The following MACROD2 variants were observed in gnomAD, a reference collection of about 807,000 sequenced individuals.
MACROD2 encodes the protein ADP-ribose glycohydrolase MACROD2.
A neutral mutation model predicts 70.4 loss-of-function variants in MACROD2; 36 were observed. The observed-to-expected ratio is 0.51, with a 90% CI of 0.39 to 0.68. MACROD2 has a LOEUF of 0.68. MACROD2 is among the 30% of genes least tolerant of loss of function. The pLI, the probability that MACROD2 is intolerant of heterozygous loss-of-function variation, is 0.00. For missense variants in MACROD2, 496 were observed against 538.4 expected (o/e 0.92, Z 0.78); for synonymous variants, 172 against 178.8 (o/e 0.96, Z 0.30).
chr20:15,431,562 C>T (rs1224166350), intron 7 of MACROD2, 127 bp downstream of exon 7: 10 of 811,010 alleles, frequency 1.2e-5, no homozygotes, highest in African/African-American at 1.7e-5. Flanking sequence ...TAAAAATGCT[C>T]GTCAAATCCC....
intron 6 of MACROD2, among the ~76,000 whole-genome samples, chr20:15,331,557 C>A (rs754196277): frequency 6.6e-6 from 1 of 151,592 alleles, no homozygotes; most frequent in Non-Finnish European, 1.5e-5. Flanking sequence ...AAATAAATAA[C>A]TGAGCTTCAG....
At chr20:15,406,256 A>T (rs936678775) in intron 6 of MACROD2, among the ~76,000 whole-genome samples, 2 of 152,204 alleles carry the variant, frequency 1.3e-5, no homozygotes, top group African/African-American at 4.8e-5. Flanking sequence ...GTGCTCAGGG[A>T]AAGTGTCCAG....
intron 5 of MACROD2, among the ~76,000 whole-genome samples, chr20:14,949,641 C>T (rs903415536): frequency 1.3e-5 from 2 of 152,170 alleles, no homozygotes; most frequent in African/African-American, 4.8e-5. Context: ...TATTCTCATA[C>T]TCATGGAAGC....
chr20:14,201,311 AT>A, intron 3 of MACROD2, among the ~76,000 whole-genome samples: 1 of 152,316 alleles, frequency 6.6e-6, no homozygotes, highest in South Asian at 2.1e-4. Context: ...CTTCTTAAAT[AT>A]TCTTTTCTCT....
chr20:15,475,192 A>G (rs1398452826), intron 7 of MACROD2, among the ~76,000 whole-genome samples: 1 of 152,176 alleles, frequency 6.6e-6, no homozygotes, highest in African/African-American at 2.4e-5. Context: ...ATTTTTTATC[A>G]GAGACTTGAG....
intron 5 of MACROD2, among the ~76,000 whole-genome samples, chr20:15,107,088 T>A (rs1293771906): frequency 1.3e-5 from 2 of 148,720 alleles, no homozygotes; most frequent in Non-Finnish European, 3.0e-5. Context: ...TTTGGGATTT[T>A]GTTTTTAAAC....
intron 5 of MACROD2, among the ~76,000 whole-genome samples, chr20:14,922,237 T>C (rs1365216843): frequency 2.0e-5 from 3 of 152,188 alleles, no homozygotes; most frequent in African/African-American, 4.8e-5. Flanking sequence ...TAGGTCTATT[T>C]GCTTTTCAAC....
chr20:15,684,238 A>G (rs565625869), intron 8 of MACROD2, among the ~76,000 whole-genome samples: 1 of 152,176 alleles, frequency 6.6e-6, no homozygotes, highest in Admixed American at 6.5e-5. Flanking sequence ...TTGTGGCCAT[A>G]TGCCATTCCT....
At chr20:15,074,555 G>A (rs930794879) in intron 5 of MACROD2, among the ~76,000 whole-genome samples, 39 of 152,174 alleles carry the variant, frequency 2.6e-4, no homozygotes, top group African/African-American at 8.9e-4. Context: ...AAAATAACTT[G>A]TGCTTTCAAC....
chr20:13,999,426 T>G (rs2052704196), intron 1 of MACROD2, among the ~76,000 whole-genome samples: 4 of 152,256 alleles, frequency 2.6e-5, no homozygotes, highest in Admixed American at 2.6e-4. Flanking sequence ...TAAGAATAGT[T>G]AATATTTAAG....
chr20:15,567,414 G>T (rs1461544294), intron 8 of MACROD2, among the ~76,000 whole-genome samples: 5 of 152,096 alleles, frequency 3.3e-5, no homozygotes, highest in African/African-American at 1.2e-4. Flanking sequence ...GCCTCCATGT[G>T]GCTCAGCACT....
chr20:14,076,838 A>G (rs6042511), intron 2 of MACROD2, among the ~76,000 whole-genome samples: 34,284 of 152,094 alleles, frequency 0.23, 4,102 homozygotes, highest in African/African-American at 0.3. Context: ...TGCTGATCAG[A>G]TAAACTTATG....
chr20:14,979,658 G>A (rs2074778971), intron 5 of MACROD2, among the ~76,000 whole-genome samples: 1 of 152,068 alleles, frequency 6.6e-6, no homozygotes, highest in Non-Finnish European at 1.5e-5. Context: ...TTGATCACAA[G>A]TTTTTTTTAC....
chr20:14,094,917 C>T (rs1006034287), intron 3 of MACROD2, among the ~76,000 whole-genome samples: 1 of 152,112 alleles, frequency 6.6e-6, no homozygotes, highest in Admixed American at 6.5e-5. Context: ...TTTCTCATTT[C>T]TCCCTCCCAC....
chr20:14,739,086 A>G (rs1025392289), intron 5 of MACROD2, among the ~76,000 whole-genome samples: 9 of 152,168 alleles, frequency 5.9e-5, no homozygotes, highest in Admixed American at 2.0e-4. Flanking sequence ...ATATACCATC[A>G]TATGCTGATG....
intron 8 of MACROD2, among the ~76,000 whole-genome samples, chr20:15,718,316 C>G (rs1273672047): frequency 6.6e-6 from 1 of 152,012 alleles, no homozygotes; most frequent in African/African-American, 2.4e-5. Flanking sequence ...AGCAAACAGG[C>G]AAGTTATTCT....
chr20:15,276,511 T>C (rs1343084493), intron 6 of MACROD2, among the ~76,000 whole-genome samples: 1 of 152,134 alleles, frequency 6.6e-6, no homozygotes, highest in Admixed American at 6.5e-5. Context: ...ATGACCAAGA[T>C]TGAAAAACAG....
At chr20:15,155,849 G>T (rs2076303255) in intron 5 of MACROD2, among the ~76,000 whole-genome samples, 1 of 95,192 alleles carries the variant, frequency 1.1e-5, no homozygotes, top group South Asian at 2.9e-4. Context: ...AGAACATGAG[G>T]AATAGAAAAA....
At chr20:14,068,806 C>T (rs1403190630) in intron 2 of MACROD2, among the ~76,000 whole-genome samples, 1 of 152,096 alleles carries the variant, frequency 6.6e-6, no homozygotes, top group East Asian at 1.9e-4. Flanking sequence ...AGGTTTTAAC[C>T]AAGTGATGGA....
Sources: allele counts gnomAD v4.1 joint callset (sites outside exome capture counted in the v4.1 genomes callset), GRCh38; gene constraint gnomAD v4.1.1; transcripts MANE v1.5; gene names NCBI Gene and HGNC (gene_info 2026-07-23, HGNC 2026-07-21).